The following XNDC1N variants were observed in gnomAD, a reference collection of about 807,000 sequenced individuals.
The protein encoded by XNDC1N is XRCC1 N-terminal domain containing 1, N-terminal like, also known as protein XNDC1N.
At chr11:71,883,231 T>C in the XNDC1N span, among the ~76,000 whole-genome samples, 6 of 152,096 alleles carry the variant, frequency 3.9e-5, no homozygotes, top group East Asian at 9.7e-4. Flanking sequence ...TTGACAGAAA[T>C]AGAAAAAACA....
the XNDC1N span, among the ~76,000 whole-genome samples, chr11:71,887,646 A>G: frequency 8.5e-5 from 13 of 152,328 alleles, no homozygotes; most frequent in East Asian, 3.9e-4. Context: ...ATCCAGGTCC[A>G]TCTCAAGCAC....
the XNDC1N span, among the ~76,000 whole-genome samples, chr11:71,915,580 TCTCCAAGG>T: frequency 6.6e-6 from 1 of 152,032 alleles, no homozygotes; most frequent in Non-Finnish European, 1.5e-5. Context: ...ACCTGGAACA[TCTCCAAGG>T]TATGCCTGTA....
chr11:71,868,166 C>T, the XNDC1N span, among the ~76,000 whole-genome samples: 2 of 152,120 alleles, frequency 1.3e-5, no homozygotes, highest in South Asian at 2.1e-4. Context: ...TTACTTTGAG[C>T]CTATGAGTGA....
the XNDC1N span, among the ~76,000 whole-genome samples, chr11:71,908,332 A>G: frequency 6.6e-6 from 1 of 151,346 alleles, no homozygotes; most frequent in African/African-American, 2.4e-5. Flanking sequence ...AATCATTAAT[A>G]TAATCATGTA....
the XNDC1N span, among the ~76,000 whole-genome samples, chr11:71,904,591 A>T: frequency 6.6e-6 from 1 of 152,118 alleles, no homozygotes; most frequent in East Asian, 1.9e-4. Context: ...TAGGAGTAAC[A>T]TCCTTCTAGG....
At chr11:71,889,045 G>A in the XNDC1N span, among the ~76,000 whole-genome samples, 2 of 152,154 alleles carry the variant, frequency 1.3e-5, no homozygotes, top group African/African-American at 2.4e-5. Flanking sequence ...GTATGCAGGG[G>A]TAACCCTGGA....
At chr11:71,912,953 C>T in the XNDC1N span, among the ~76,000 whole-genome samples, 2 of 152,230 alleles carry the variant, frequency 1.3e-5, no homozygotes, top group East Asian at 3.9e-4. Flanking sequence ...GGTGTACTGC[C>T]TCTGTGATAT....
the XNDC1N span, among the ~76,000 whole-genome samples, chr11:71,911,296 T>C: frequency 5.0e-4 from 76 of 152,290 alleles, 1 homozygote; most frequent in Admixed American, 2.4e-3. Flanking sequence ...CGTATAACCA[T>C]TGAAGTTTGT....
the XNDC1N span, among the ~76,000 whole-genome samples, chr11:71,882,030 CA>C: frequency 6.6e-6 from 1 of 151,136 alleles, no homozygotes; most frequent in African/African-American, 2.4e-5. Context: ...AAGATAAATA[CA>C]AAAAATTTAA....
the XNDC1N span, among the ~76,000 whole-genome samples, chr11:71,919,888 A>G: frequency 8.5e-6 from 1 of 117,306 alleles, no homozygotes; most frequent in Non-Finnish European, 1.7e-5. Context: ...AAGTGCTGGG[A>G]TTACAGGCGT....
At chr11:71,897,602 C>A in the XNDC1N span, among the ~76,000 whole-genome samples, 1 of 152,180 alleles carries the variant, frequency 6.6e-6, no homozygotes, top group East Asian at 1.9e-4. Flanking sequence ...ATGCTCGATT[C>A]TGATCGGAGG....
chr11:71,894,406 G>C, the XNDC1N span: 1 of 250,208 alleles, frequency 4.0e-6, no homozygotes, highest in African/African-American at 2.3e-5. Context: ...CGAATCTCAT[G>C]ATCTGTTCCA....
the XNDC1N span, among the ~76,000 whole-genome samples, chr11:71,895,112 G>A: frequency 1.0e-4 from 3 of 28,966 alleles, no homozygotes; most frequent in Non-Finnish European, 1.7e-4. Flanking sequence ...GTGAGTGTGT[G>A]GATTTTTTTT....
chr11:71,865,726 G>A, the XNDC1N span: 7 of 356,952 alleles, frequency 2.0e-5, no homozygotes, highest in South Asian at 1.1e-4. Context: ...ATAAAGTAGA[G>A]CAATGTGTCT....
At chr11:71,873,764 C>T in the XNDC1N span, among the ~76,000 whole-genome samples, 1 of 152,160 alleles carries the variant, frequency 6.6e-6, no homozygotes, top group African/African-American at 2.4e-5. Context: ...GCAACCAAAT[C>T]AGGTAGGACA....
chr11:71,888,052 C>G, the XNDC1N span, among the ~76,000 whole-genome samples: 18 of 152,224 alleles, frequency 1.2e-4, no homozygotes, highest in South Asian at 1.2e-3. Flanking sequence ...AGTTTCCCAG[C>G]AGAGACCTAG....
At chr11:71,880,001 A>G in the XNDC1N span, among the ~76,000 whole-genome samples, 1 of 152,196 alleles carries the variant, frequency 6.6e-6, no homozygotes, top group Non-Finnish European at 1.5e-5. Flanking sequence ...CTCTAAAGGA[A>G]TGAATTTTAT....
At chr11:71,901,478 C>T in the XNDC1N span, among the ~76,000 whole-genome samples, 124 of 151,794 alleles carry the variant, frequency 8.2e-4, 2 homozygotes, top group African/African-American at 3.0e-3. Flanking sequence ...GGGCGACTGT[C>T]ATCTCAGCTA....
chr11:71,871,153 A>G, the XNDC1N span, among the ~76,000 whole-genome samples: 2 of 152,246 alleles, frequency 1.3e-5, no homozygotes, highest in Non-Finnish European at 2.9e-5. Context: ...AGATAAATGG[A>G]TAAAGAAAAT....
Sources: allele counts gnomAD v4.1 joint callset (sites outside exome capture counted in the v4.1 genomes callset), GRCh38; gene constraint gnomAD v4.1.1; transcripts MANE v1.5; gene names NCBI Gene and HGNC (gene_info 2026-07-23, HGNC 2026-07-21).